GPHN: variants seen among roughly 807,000 people sequenced by gnomAD.
The protein encoded by GPHN is gephyrin.
GPHN carries 17 observed loss-of-function variants against 95.5 expected under a neutral mutation model. The ratio of observed to expected loss-of-function variants is 0.18; its 90% CI spans 0.12 to 0.27. The LOEUF is 0.27. Among genes scored for constraint, GPHN ranks in the 10% least tolerant of loss-of-function variants. The probability of loss-of-function intolerance (pLI) is 1.00; values close to 1 mark genes in which losing one functional copy is unlikely to be tolerated. For synonymous variants in GPHN, 320 were observed against 322.5 expected, an observed-to-expected ratio of 0.99 and a Z score of 0.08; for missense variants, 660 against 978.1, an observed-to-expected ratio of 0.67 and a Z score of 4.34.
the GPHN span, among the ~76,000 whole-genome samples, chr14:67,535,370 CTTTTTTT>C: frequency 6.7e-5 from 5 of 74,192 alleles, no homozygotes; most frequent in African/African-American, 1.2e-4. Flanking sequence ...GTGAGCACAT[CTTTTTTT>C]TTTTTTTTTT....
chr14:67,382,571 T>C, the GPHN span: 2 of 1,613,848 alleles, frequency 1.2e-6, no homozygotes, highest in South Asian at 2.2e-5. Flanking sequence ...AAGAGGGGTG[T>C]GTTCAATGTT....
At chr14:67,585,760 T>G in the GPHN span, 1 of 1,003,560 alleles carries the variant, frequency 1.0e-6, no homozygotes. Context: ...ATGGCTGCCC[T>G]ACCCCCACTC....
chr14:67,700,080 C>A, the GPHN span, among the ~76,000 whole-genome samples: 34 of 151,280 alleles, frequency 2.2e-4, no homozygotes, highest in Non-Finnish European at 4.4e-4. Flanking sequence ...GCGGAGGTTG[C>A]AGTGAGCTGA....
chr14:67,683,515 G>A, the GPHN span, among the ~76,000 whole-genome samples: 2 of 152,072 alleles, frequency 1.3e-5, no homozygotes, highest in African/African-American at 4.8e-5. Context: ...ACTTTGTTTC[G>A]GCAATAGCAA....
the GPHN span, among the ~76,000 whole-genome samples, chr14:67,277,222 A>G: frequency 6.6e-6 from 1 of 152,202 alleles, no homozygotes; most frequent in African/African-American, 2.4e-5. Context: ...AGGCAGTCTA[A>G]TGGTAAATAA....
the GPHN span, among the ~76,000 whole-genome samples, chr14:67,658,257 A>C: frequency 6.6e-6 from 1 of 152,216 alleles, no homozygotes; most frequent in Non-Finnish European, 1.5e-5. Context: ...GATTTGGAAC[A>C]ATACTTTTTC....
chr14:67,416,628 CAATT>C, the GPHN span, among the ~76,000 whole-genome samples: 1 of 152,198 alleles, frequency 6.6e-6, no homozygotes, highest in African/African-American at 2.4e-5. Flanking sequence ...ATTCATCTGT[CAATT>C]CATTCATTCA....
At chr14:66,651,058 A>G (rs1217336015) in intron 1 of GPHN, among the ~76,000 whole-genome samples, 1 of 152,190 alleles carries the variant, frequency 6.6e-6, no homozygotes, top group African/African-American at 2.4e-5. Context: ...GAGCACACAC[A>G]TCTTCTCTAA....
the GPHN span, chr14:67,662,608 C>T: frequency 1.3e-5 from 18 of 1,361,208 alleles, no homozygotes; most frequent in Admixed American, 2.1e-5. Context: ...CCCTCTGCTT[C>T]GAATAAGCTT....
chr14:66,681,672 GT>G (rs2066938594), intron 2 of GPHN, among the ~76,000 whole-genome samples: 1 of 152,020 alleles, frequency 6.6e-6, no homozygotes, highest in Non-Finnish European at 1.5e-5. Context: ...ATAGATTTCA[GT>G]TTTTAATTTT....
chr14:66,860,091 T>G (rs1280678608), intron 4 of GPHN, among the ~76,000 whole-genome samples: 1 of 152,068 alleles, frequency 6.6e-6, no homozygotes, highest in Non-Finnish European at 1.5e-5. Flanking sequence ...CTTCCAAACC[T>G]CGAGAAAAAT....
At chr14:66,929,816 A>G (rs1305611046) in intron 8 of GPHN, among the ~76,000 whole-genome samples, 1 of 151,496 alleles carries the variant, frequency 6.6e-6, no homozygotes, top group Non-Finnish European at 1.5e-5. Flanking sequence ...GGTTCACGCC[A>G]TTCTCCTGCC....
intron 1 of GPHN, among the ~76,000 whole-genome samples, chr14:66,557,698 G>A (rs1158656146): frequency 6.6e-6 from 1 of 152,096 alleles, no homozygotes; most frequent in East Asian, 1.9e-4. Flanking sequence ...GTAGTTGAGG[G>A]CTGTCACATT....
At chr14:67,349,818 A>T in the GPHN span, among the ~76,000 whole-genome samples, 2 of 152,226 alleles carry the variant, frequency 1.3e-5, no homozygotes, top group Admixed American at 6.5e-5. Context: ...AATTCAATGC[A>T]AGCTGTGATC....
chr14:66,951,941 GA>G (rs1411032157), intron 8 of GPHN, among the ~76,000 whole-genome samples: 3 of 151,768 alleles, frequency 2.0e-5, no homozygotes, highest in African/African-American at 7.3e-5. Flanking sequence ...CAGGAAGGAG[GA>G]AACTATAAAG....
the GPHN span, among the ~76,000 whole-genome samples, chr14:67,483,445 C>T: frequency 6.6e-6 from 1 of 152,200 alleles, no homozygotes; most frequent in Non-Finnish European, 1.5e-5. Flanking sequence ...AGGGCACTAC[C>T]ATTTTCTGAG....
chr14:66,526,207 T>C (rs1310779873), intron 1 of GPHN, among the ~76,000 whole-genome samples: 2 of 152,172 alleles, frequency 1.3e-5, no homozygotes, highest in Non-Finnish European at 2.9e-5. Flanking sequence ...TCACATCCGT[T>C]GTAAGTTGTA....
chr14:67,095,728 G>A (rs1299685084), intron 12 of GPHN, among the ~76,000 whole-genome samples: 19 of 151,892 alleles, frequency 1.3e-4, no homozygotes, highest in South Asian at 8.3e-4. Context: ...GAATTGAACA[G>A]TGAGAACCCA....
At chr14:67,489,489 G>A in the GPHN span, among the ~76,000 whole-genome samples, 4 of 152,064 alleles carry the variant, frequency 2.6e-5, no homozygotes, top group Non-Finnish European at 4.4e-5. Context: ...TGCTGGGAGC[G>A]TGAAGAAGCA....
Sources: gnomAD v4.1 joint callset for allele counts (sites outside exome capture counted in the v4.1 genomes callset) on GRCh38, gnomAD v4.1.1 for gene constraint, MANE v1.5 for transcripts, NCBI Gene and HGNC (gene_info 2026-07-23, HGNC 2026-07-21) for gene names.